The following DDX42 variants were observed in gnomAD, a reference collection of about 807,000 sequenced individuals.
DDX42 encodes the protein ATP-dependent RNA helicase DDX42.
In DDX42, 22 loss-of-function variants were observed where a neutral mutation model predicts 101.5. The ratio of observed to expected loss-of-function variants is 0.22; its 90% CI spans 0.15 to 0.31. The LOEUF is 0.31. Ranked by LOEUF, DDX42 falls within the 10% of genes least tolerant of loss-of-function variation. The probability of loss-of-function intolerance (pLI) is 1.00; values close to 1 mark genes in which losing one functional copy is unlikely to be tolerated. For missense variants in DDX42, 849 were observed against 1,199.9 expected (o/e 0.71, Z 4.32); for synonymous variants, 402 against 401.2 (o/e 1.00, Z -0.02).
In DDX42 at chr17:63,815,555, C is replaced by A; in HGVS notation, c.1903-8C>A. 1 of 1,606,276 alleles carries A rather than the reference C, an allele frequency of 6.2e-7. No homozygotes were observed. The highest frequency in any genetic ancestry group is 1.1e-5 in the South Asian group (1 of 90,638). ...CCTTGACTTAACCTTGAATTTTGTT[C>A]AATGCAGAATGCCTGGTTTCGGAAA... On this transcript the variant is annotated splice_polypyrimidine_tract_variant and splice_region_variant and intron_variant, in intron 15 of 17. Coordinates refer to ENST00000389924, the MANE Select transcript of DDX42 (RefSeq NM_203499.3).
chr17:63,790,538 A>G (rs1192916149), intron 2 of DDX42, among the ~76,000 whole-genome samples: 1 of 152,208 alleles, frequency 6.6e-6, no homozygotes, highest in Non-Finnish European at 1.5e-5. Context: ...AGGCGGGCGG[A>G]TCGCCTGAAG....
intron 1 of DDX42, among the ~76,000 whole-genome samples, chr17:63,777,809 T>C (rs997319640): frequency 2.0e-5 from 3 of 152,288 alleles, no homozygotes; most frequent in East Asian, 1.9e-4. Context: ...ATTTGAGATA[T>C]GCTTTGAAGG....
At chr17:63,800,672 G>C in intron 6 of DDX42, 55 bp downstream of exon 6, 1 of 1,585,976 alleles carries the variant, frequency 6.3e-7, no homozygotes, top group Non-Finnish European at 8.6e-7. Context: ...CTTTACTTCA[G>C]CTTTAACATT....
At chr17:63,784,505 T>G (rs1598323526) in intron 1 of DDX42, among the ~76,000 whole-genome samples, 1 of 152,184 alleles carries the variant, frequency 6.6e-6, no homozygotes, top group East Asian at 1.9e-4. Flanking sequence ...CCAGGCAAGG[T>G]GGTGTGAGTC....
intron 15 of DDX42, among the ~76,000 whole-genome samples, chr17:63,814,601 T>TA (rs2039952667): frequency 6.6e-6 from 1 of 151,156 alleles, no homozygotes; most frequent in Admixed American, 6.6e-5. Flanking sequence ...CCTGCTGCCC[T>TA]ACCTCTCAAG....
At position 63,798,136 on chromosome 17, in the gene DDX42, A is replaced by C. The variant is rs1302463653; in HGVS notation, c.434+37A>C. The C allele has an allele frequency of 3.1e-6, 5 of 1,598,570 alleles. No individual in the cohort carries two copies. The Admixed American group carries it at 8.5e-5, about 27-fold the overall frequency. ...TCTTCTCCCTCACAAAGGTTACGTG[A>C]AAACTGCTGAAGTATTGCAAAGTCT... On this transcript the variant is annotated intron_variant, in intron 4 of 17. Coordinates refer to ENST00000389924, the MANE Select transcript of DDX42 (RefSeq NM_203499.3).
intron 6 of DDX42, among the ~76,000 whole-genome samples, chr17:63,803,238 C>T (rs2039794664): frequency 6.6e-6 from 1 of 152,062 alleles, no homozygotes; most frequent in Admixed American, 6.5e-5. Context: ...TCAGATTACA[C>T]AATGAAAATA....
chr17:63,781,310 C>G (rs1710223760), intron 1 of DDX42, among the ~76,000 whole-genome samples: 1 of 152,142 alleles, frequency 6.6e-6, no homozygotes, highest in Non-Finnish European at 1.5e-5. Context: ...CTCTACCTCC[C>G]AGGTTCATGC....
chr17:63,810,478 A>G (rs1305733188), intron 11 of DDX42, 35 bp from the exon 12 acceptor site: 2 of 1,607,842 alleles, frequency 1.2e-6, no homozygotes, highest in South Asian at 2.2e-5. Context: ...ACTGTATTTC[A>G]GGTTATAATA....
Position 63,787,116 on chromosome 17 carries a change from G to A in DDX42, c.67G>A (p.Ala23Thr), listed in dbSNP as rs2039556730. 3.1e-6 allele frequency: 5 copies of A among 1,614,224 alleles called. No homozygotes were observed. Among genetic ancestry groups the A allele is most frequent in the Non-Finnish European group, 4.2e-6 (5 of 1,180,038 alleles). Reference sequence around the variant, plus strand: ...TGGCTTTGGAGGTTTTGCCATCAGTGCTGGGAAAAAGGAGGAACCCAAACT... The same window carrying A: ...TGGCTTTGGAGGTTTTGCCATCAGTACTGGGAAAAAGGAGGAACCCAAACT... Reference protein sequence around the residue: ...GFGFGGFAISAGKKEEPKLPQ... With the variant: ...GFGFGGFAISTGKKEEPKLPQ... The change falls in exon 2 of 18, where the codon GCT becomes ACT. Residue 23 changes from alanine (A) to threonine (T), a missense_variant. By Grantham distance (58) the Ala-to-Thr change is moderately conservative (BLOSUM62 0). Coordinates refer to ENST00000389924, the MANE Select transcript of DDX42 (RefSeq NM_203499.3).
At chr17:63,775,283 T>G (rs2039405984) in intron 1 of DDX42, 1 of 152,618 alleles carries the variant, frequency 6.6e-6, no homozygotes, top group South Asian at 2.1e-4. Flanking sequence ...TAGCCTAATG[T>G]GCAATTCGTT....
At chr17:63,809,513 G>A (rs2039883636) in intron 10 of DDX42, 47 bp from the exon 11 acceptor site, 1 of 1,512,774 alleles carries the variant, frequency 6.6e-7, no homozygotes, top group Non-Finnish European at 9.2e-7. Flanking sequence ...GAAAGTCCCT[G>A]TGAATGCCTT....
chr17:63,778,565 G>C (rs1726707344), intron 1 of DDX42, among the ~76,000 whole-genome samples: 1 of 152,154 alleles, frequency 6.6e-6, no homozygotes, highest in Non-Finnish European at 1.5e-5. Flanking sequence ...CCTTAGAGCA[G>C]TTACTGGCAC....
intron 3 of DDX42, among the ~76,000 whole-genome samples, chr17:63,794,723 A>T (rs1286770699): frequency 6.6e-6 from 1 of 151,846 alleles, no homozygotes; most frequent in Non-Finnish European, 1.5e-5. Flanking sequence ...TGGGCTGATC[A>T]ACAGTTTGAG....
chr17:63,807,527 A>G (rs2039857492), intron 8 of DDX42, among the ~76,000 whole-genome samples, 197 bp from the exon 9 acceptor site: 1 of 152,228 alleles, frequency 6.6e-6, no homozygotes, highest in Non-Finnish European at 1.5e-5. Flanking sequence ...GAATGATGTC[A>G]TTTCCTATAA....
intron 4 of DDX42, among the ~76,000 whole-genome samples, chr17:63,799,172 T>G (rs1265196973): frequency 6.6e-6 from 1 of 152,218 alleles, no homozygotes; most frequent in East Asian, 1.9e-4. Flanking sequence ...CTAGAAACTT[T>G]GGGGACAATA....
chr17:63,817,617 C>A (rs1445157443), intron 17 of DDX42, 77 bp from the exon 18 acceptor site: 3 of 1,421,944 alleles, frequency 2.1e-6, no homozygotes, highest in Non-Finnish European at 2.9e-6. Flanking sequence ...CTGTAAACCT[C>A]ATCATTTGCC....
At chr17:63,782,508 T>A (rs1366011592) in intron 1 of DDX42, among the ~76,000 whole-genome samples, 1 of 152,118 alleles carries the variant, frequency 6.6e-6, no homozygotes, top group African/African-American at 2.4e-5. Context: ...TAGGTTTCCA[T>A]CTCCATTAGT....
chr17:63,803,519 G>C (rs1359676807), intron 6 of DDX42, among the ~76,000 whole-genome samples: 1 of 145,616 alleles, frequency 6.9e-6, no homozygotes, highest in Non-Finnish European at 1.5e-5. Context: ...AGTGAGCTGA[G>C]GTTGTGCCAC....
Sources: gnomAD v4.1 joint callset for allele counts (sites outside exome capture counted in the v4.1 genomes callset) on GRCh38, gnomAD v4.1.1 for gene constraint, MANE v1.5 for transcripts, NCBI Gene and HGNC (gene_info 2026-07-23, HGNC 2026-07-21) for gene names.